The following BIN1 variants were observed in gnomAD, a reference collection of about 807,000 sequenced individuals.
BIN1 encodes the protein myc box-dependent-interacting protein 1.
Under a neutral mutation model 82.0 loss-of-function variants are expected in BIN1, and 53 were observed. The observed-to-expected ratio is 0.65, with a 90% CI of 0.52 to 0.81. The LOEUF is 0.81. BIN1 is among the 40% of genes least tolerant of loss of function. The pLI, the probability that BIN1 is intolerant of heterozygous loss-of-function variation, is 0.00. For synonymous variants in BIN1, 302 were observed against 328.0 expected (o/e 0.92, Z 0.86); for missense variants, 642 against 784.4 (o/e 0.82, Z 2.17).
intron 7 of BIN1, among the ~76,000 whole-genome samples, chr2:127,065,679 C>T (rs1233823743): frequency 1.3e-5 from 2 of 152,218 alleles, no homozygotes; most frequent in African/African-American, 2.4e-5. Context: ...CCCCACAACT[C>T]CCCAGATGGC....
At chr2:127,060,526 G>A (rs1244670053) in intron 10 of BIN1, 73 of 1,603,712 alleles carry the variant, frequency 4.6e-5, no homozygotes, top group Non-Finnish European at 5.7e-5. Flanking sequence ...GGAGCAGGGC[G>A]CAAGGCGCAT....
chr2:127,087,746 T>C (rs573669614), intron 1 of BIN1, among the ~76,000 whole-genome samples: 3 of 152,016 alleles, frequency 2.0e-5, no homozygotes, highest in Non-Finnish European at 2.9e-5. Context: ...CAGTAAGCAA[T>C]GAGCTAGAAT....
rs898982847 is a variant in BIN1 at position 127,059,227 on chromosome 2, T to C, written c.858-72A>G. The stretch of plus-strand genomic sequence containing the variant: ...CACAGGAGACGGAGGGGCAAATGTA[T>C]TGACGTCTGTGTGAAGAGGTGTGTG... On this transcript the variant is annotated intron_variant, in intron 10 of 18. Transcript: ENST00000316724. The surrounding 1 kb of genome is among the most constrained non-coding windows in gnomAD (Gnocchi z 6.7). 1 of 1,519,952 alleles carries C rather than the reference T, an allele frequency of 6.6e-7. No individual in the cohort carries two copies. The allele number at this position is 1,519,952 out of a possible 1,614,324, so 94.2% of individuals were successfully genotyped here.
At chr2:127,062,930 G>A (rs1218212358) in intron 9 of BIN1, among the ~76,000 whole-genome samples, 3 of 152,246 alleles carry the variant, frequency 2.0e-5, no homozygotes, top group Admixed American at 6.5e-5. Flanking sequence ...TTCCTCCTCC[G>A]ACCCTGGGCC....
rs370016618 is a variant in BIN1, at chr2:127,063,622, C to A, written c.723G>T (p.Thr241=). 6.2e-7 allele frequency: 1 copy of A among 1,613,956 alleles called. No individual in the cohort carries two copies. Among genetic ancestry groups the A allele is most frequent in the African/African-American group, 1.3e-5 (1 of 75,034 alleles). The part of the protein sequence containing the change: ...WNSRVGFYVN[T]FQSIAGLEEN... ...CCTCCAGGCCCGCGATGCTCTGGAA[C>A]GTGTTGACGTAGAAACCTACGCGGC... The change falls in exon 9 of 19, where the codon ACG becomes ACT. Residue 241 remains threonine, a synonymous_variant. Transcript: ENST00000316724.
Position 127,052,273 on chromosome 2 carries a change from G to C in BIN1, c.1353C>G (p.Ala451=), listed in dbSNP as rs552244334. The C allele has an allele frequency of 5.1e-6, 8 of 1,577,150 alleles. No individual in the cohort carries two copies. The South Asian group carries it at 8.1e-5, about 16-fold the overall frequency. ...TFAVSWPSQT[A]EPGPAQPAEA... ...CACTTACTTGGGCAGGCCCCGGCTC[G>C]GCCGTCTGGCTGGGCCAGGACACAG... Residue 451 remains alanine, a synonymous_variant, in exon 15 of 19, where the codon GCC becomes GCG. Coordinates refer to ENST00000316724, the MANE Select transcript of BIN1 (RefSeq NM_139343.3).
intron 15 of BIN1, 104 bp from the exon 16 acceptor site, chr2:127,051,347 C>A (rs764217574): frequency 9.7e-5 from 113 of 1,170,086 alleles, no homozygotes; most frequent in Middle Eastern, 3.8e-4. Context: ...GGGCCGGGGG[C>A]ATCGCCTGGC....
At chr2:127,056,773 A>T (rs1683729776) in intron 12 of BIN1, among the ~76,000 whole-genome samples, 2 of 152,212 alleles carry the variant, frequency 1.3e-5, no homozygotes, top group Admixed American at 1.3e-4. Flanking sequence ...AGCACTGGCA[A>T]GATGCGCTTC....
intron 1 of BIN1, among the ~76,000 whole-genome samples, chr2:127,094,824 C>T (rs1679382292): frequency 6.6e-6 from 1 of 152,232 alleles, no homozygotes; most frequent in Non-Finnish European, 1.5e-5. Context: ...CAGGCCAGAA[C>T]AGCCCAGGAT....
In BIN1 at chr2:127,107,059, GCGCACCCGA is replaced by G. The variant is rs957696244; in HGVS notation, c.-125_-117del. ...TCCAGACCGGCTGCCGCTCCACGCC[GCGCACCCGA>G]CAGCGGAGCCAACTGACGGAGGCGG... On this transcript the variant is annotated 5_prime_UTR_variant, in exon 1 of 19. Coordinates refer to ENST00000316724, the MANE Select transcript of BIN1 (RefSeq NM_139343.3). The surrounding 1 kb of genome is among the most constrained non-coding windows in gnomAD (Gnocchi z 5.9). 1 of 1,096,244 alleles carries G rather than the reference GCGCACCCGA, an allele frequency of 9.1e-7. No individual in the cohort carries two copies. Among genetic ancestry groups the G allele is most frequent in the African/African-American group, 1.7e-5 (1 of 59,782 alleles). 67.9% of individuals were successfully genotyped at this position (1,096,244 alleles called of 1,614,324 possible). A position where few individuals can be genotyped will look rare whatever the true frequency, so the allele number is the denominator to read the frequency against.
At position 127,068,266 on chromosome 2, in the gene BIN1, G is replaced by C; in HGVS notation, c.520-11C>G. The C allele has an allele frequency of 6.2e-7, 1 of 1,608,664 alleles. No individual in the cohort carries two copies. On this transcript the variant is annotated splice_polypyrimidine_tract_variant and intron_variant, in intron 6 of 18. Coordinates refer to ENST00000316724, the MANE Select transcript of BIN1 (RefSeq NM_139343.3). This position sits in a 1 kb window ranked among gnomAD's most constrained non-coding sequence, Gnocchi z 4.9. ...AAGCAGCGAGACAGGCTGGGGTGGG[G>C]AGGTCAAGGCAAAGGAAGGTGGAGA...
At chr2:127,069,188 G>A (rs1306503527) in intron 5 of BIN1, among the ~76,000 whole-genome samples, 157 bp from the exon 6 acceptor site, 1 of 152,160 alleles carries the variant, frequency 6.6e-6, no homozygotes, top group African/African-American at 2.4e-5. Flanking sequence ...GTGGCAGAGA[G>A]CTCACCCCCT....
In BIN1 at chr2:127,053,621, C is replaced by T. The variant is rs1006923701; in HGVS notation, c.1240-176G>A. On this transcript the variant is annotated intron_variant, in intron 13 of 18. Coordinates refer to ENST00000316724, the MANE Select transcript of BIN1 (RefSeq NM_139343.3). ...TTGCAGGTGGCCGAGCTCCCGACAC[C>T]TCTCAGGGAGCTTCAAGACCCCAAG... 1.0e-4 allele frequency: 86 copies of T among 857,282 alleles called. No homozygotes were observed. The South Asian group carries it at 1.3e-3, about 12-fold the overall frequency. 53.1% of individuals were successfully genotyped at this position (857,282 alleles called of 1,614,324 possible). A position where few individuals can be genotyped will look rare whatever the true frequency, so the allele number is the denominator to read the frequency against.
intron 18 of BIN1, among the ~76,000 whole-genome samples, chr2:127,050,205 A>G (rs1289853281): frequency 6.6e-6 from 1 of 152,150 alleles, no homozygotes; most frequent in Non-Finnish European, 1.5e-5. Context: ...ACAGGGAGAG[A>G]GAGAGGCCTA....
At chr2:127,105,782 C>G (rs1020299664) in intron 1 of BIN1, among the ~76,000 whole-genome samples, 2 of 152,216 alleles carry the variant, frequency 1.3e-5, no homozygotes, top group Non-Finnish European at 1.5e-5. Flanking sequence ...CCTGTCCCTG[C>G]GCCTCCACCC....
rs774208498 is a variant in BIN1, at chr2:127,068,916, G to A, written c.519+8C>T. 15 of 1,612,882 alleles carry A rather than the reference G, an allele frequency of 9.3e-6. No individual in the cohort carries two copies. The East Asian group carries it at 3.3e-4, about 36-fold the overall frequency. ...CAGACGCTGCCCCGACCCGCCTCCA[G>A]CCCTTACCTTGGCAATTTTGGCTTC... On this transcript the variant is annotated splice_region_variant and intron_variant, in intron 6 of 18. Transcript: ENST00000316724. This position sits in a 1 kb window ranked among gnomAD's most constrained non-coding sequence, Gnocchi z 4.9.
Position 127,093,413 on chromosome 2 carries a change from G to A in BIN1, c.84+13447C>T, listed in dbSNP as rs1468909726. On this transcript the variant is annotated intron_variant, in intron 1 of 18. Coordinates refer to ENST00000316724, the MANE Select transcript of BIN1 (RefSeq NM_139343.3). The surrounding 1 kb of genome is among the most constrained non-coding windows in gnomAD (Gnocchi z 5.7). ...TCCCCAAAGCCAGCCATGAAACCCAGATAGTTCACTCTCTCCCACTCCCTT... is the reference window on the plus strand; with the variant it reads ...TCCCCAAAGCCAGCCATGAAACCCAAATAGTTCACTCTCTCCCACTCCCTT... Among the ~76,000 whole-genome samples, 1 of 152,124 alleles carries A rather than the reference G, an allele frequency of 6.6e-6. No homozygotes were observed. The highest frequency in any genetic ancestry group is 6.5e-5 in the Admixed American group (1 of 15,272).
intron 15 of BIN1, 109 bp downstream of exon 15, chr2:127,052,146 A>G: frequency 6.8e-6 from 8 of 1,169,380 alleles, no homozygotes; most frequent in Non-Finnish European, 6.2e-6. Flanking sequence ...TCACCCTCAC[A>G]TCCATGGTGG....
At chr2:127,091,677 C>T (rs1678942669) in intron 1 of BIN1, among the ~76,000 whole-genome samples, 1 of 151,982 alleles carries the variant, frequency 6.6e-6, no homozygotes, top group South Asian at 2.1e-4. Flanking sequence ...TTGCTTGAGG[C>T]CAGGAGTTCA....
Sources: gnomAD v4.1 joint callset for allele counts (sites outside exome capture counted in the v4.1 genomes callset) on GRCh38, gnomAD v4.1.1 for gene constraint, Gnocchi (gnomAD v3.1) non-coding constraint, MANE v1.5 for transcripts, NCBI Gene and HGNC (gene_info 2026-07-23, HGNC 2026-07-21) for gene names.